Variants in ZNF354B observed in about 807,000 individuals in gnomAD.
The protein encoded by ZNF354B is zinc finger protein 354B.
In ZNF354B, 10 loss-of-function variants were observed where a neutral mutation model predicts 12.9. The ratio of observed to expected loss-of-function variants is 0.77; its 90% CI spans 0.48 to 1.31. The LOEUF (loss-of-function observed/expected upper bound fraction) is 1.31, where lower values mean the gene tolerates loss of function less well. ZNF354B is among the 40% of genes most tolerant of loss of function. The probability of loss-of-function intolerance (pLI) is 0.00; values close to 1 mark genes in which losing one functional copy is unlikely to be tolerated. For missense variants in ZNF354B, 614 were observed against 711.7 expected, an observed-to-expected ratio of 0.86 and a Z score of 1.56; for synonymous variants, 260 against 243.7, an observed-to-expected ratio of 1.07 and a Z score of -0.62.
At position 178,884,872 on chromosome 5, in the gene ZNF354B, T is replaced by C. The variant is rs1757778942; in HGVS notation, c.*581T>C. 6.6e-6 allele frequency: 1 copy of C among 152,216 alleles called. No homozygotes were observed. The highest frequency in any genetic ancestry group is 6.6e-5 in the Admixed American group (1 of 15,260). 9.4% of individuals were successfully genotyped at this position (152,216 alleles called of 1,614,324 possible). On this transcript the variant is annotated 3_prime_UTR_variant, in exon 5 of 5. Transcript: ENST00000322434. ...GGTAGTGGGGGACTACATTCGCACT[T>C]TCTCCTGAAATATATATATATATGC...
chr5:178,873,224 G>A (rs1305584016), intron 4 of ZNF354B, among the ~76,000 whole-genome samples: 3 of 152,190 alleles, frequency 2.0e-5, no homozygotes, highest in Non-Finnish European at 2.9e-5. Context: ...GTTCACAAAT[G>A]CTTTCTCTTA....
At chr5:178,871,294 A>G in intron 4 of ZNF354B, among the ~76,000 whole-genome samples, 1 of 152,130 alleles carries the variant, frequency 6.6e-6, no homozygotes, top group Middle Eastern at 3.2e-3. Flanking sequence ...CAGGGGGGCC[A>G]AGCAGGCCCC....
intron 2 of ZNF354B, among the ~76,000 whole-genome samples, chr5:178,865,978 C>T (rs80188838): frequency 0.15 from 22,526 of 152,008 alleles, 2,028 homozygotes; most frequent in African/African-American, 0.25. Context: ...AAATTGCCAA[C>T]GAAAGATTAT....
chr5:178,860,406 C>T (rs1375096878), intron 1 of ZNF354B, among the ~76,000 whole-genome samples: 6 of 147,984 alleles, frequency 4.1e-5, no homozygotes, highest in African/African-American at 1.2e-4. Context: ...GGACTCGGGG[C>T]GCCGGGACCC....
In ZNF354B at chr5:178,882,838, A is replaced by G. The variant is rs542633902; in HGVS notation, c.386A>G (p.Glu129Gly). Reference sequence around the variant, plus strand: ...TCAGAAAGATCCTGCATATATGAAGAGAAATTAAAGAAACAGCAGGACAAA... The same window carrying G: ...TCAGAAAGATCCTGCATATATGAAGGGAAATTAAAGAAACAGCAGGACAAA... The part of the protein sequence containing the change: ...FISERSCIYE[E>G]KLKKQQDKNE... The change falls in exon 5 of 5, where the codon GAG becomes GGG. Residue 129 changes from glutamate (E) to glycine (G), a missense_variant. Glu to Gly is a moderately conservative substitution (Grantham distance 98). Transcript: ENST00000322434. 1 of 1,606,524 alleles carries G rather than the reference A, an allele frequency of 6.2e-7. No individual in the cohort carries two copies. Among genetic ancestry groups the G allele is most frequent in the African/African-American group, 1.3e-5 (1 of 74,572 alleles).
chr5:178,884,351 T>C lies in ZNF354B; in HGVS notation c.*60T>C. The C allele has an allele frequency of 6.7e-7, 1 of 1,495,210 alleles. No homozygotes were observed. Among genetic ancestry groups the C allele is most frequent in the Non-Finnish European group, 8.9e-7 (1 of 1,117,708 alleles). The allele number at this position is 1,495,210 out of a possible 1,614,324, so 92.6% of individuals were successfully genotyped here. On this transcript the variant is annotated 3_prime_UTR_variant, in exon 5 of 5. Transcript: ENST00000322434. The stretch of plus-strand genomic sequence containing the variant: ...CTTGAGAGTGATTTATTAAATATAA[T>C]GAATATGAGAAAACTCTTAGTTCTC...
At chr5:178,882,538 C>G (rs1757731581) in intron 4 of ZNF354B, among the ~76,000 whole-genome samples, 171 bp from the exon 5 acceptor site, 1 of 152,172 alleles carries the variant, frequency 6.6e-6, no homozygotes, top group Admixed American at 6.5e-5. Context: ...TTCATTTGTT[C>G]ACTTATCAGT....
At chr5:178,874,937 T>C (rs1757614835) in intron 4 of ZNF354B, among the ~76,000 whole-genome samples, 1 of 152,244 alleles carries the variant, frequency 6.6e-6, no homozygotes, top group Non-Finnish European at 1.5e-5. Context: ...CAGTGTTTTA[T>C]GCAGGGTGTT....
chr5:178,879,448 C>T (rs1170678428), intron 4 of ZNF354B, among the ~76,000 whole-genome samples: 3 of 151,874 alleles, frequency 2.0e-5, no homozygotes, highest in East Asian at 3.9e-4. Flanking sequence ...GGCCCAATCT[C>T]GGCTCACTGC....
At position 178,866,228 on chromosome 5, in the gene ZNF354B, C is replaced by T. The variant is rs374443799; in HGVS notation, c.34-16C>T. 7.9e-5 allele frequency: 127 copies of T among 1,612,982 alleles called. No homozygotes were observed. The highest frequency in any genetic ancestry group is 5.5e-4 in the African/African-American group (41 of 74,912). ...GAGGGTGGTCCTGGGTGAGCTGGAA[C>T]GACTTGTCCTTACAGGTGTCACTGA... On this transcript the variant is annotated splice_polypyrimidine_tract_variant and intron_variant, in intron 2 of 4. Coordinates refer to ENST00000322434, the MANE Select transcript of ZNF354B (RefSeq NM_058230.3).
At chr5:178,869,247 A>C (rs1757518705) in intron 4 of ZNF354B, among the ~76,000 whole-genome samples, 1 of 152,188 alleles carries the variant, frequency 6.6e-6, no homozygotes, top group Non-Finnish European at 1.5e-5. Flanking sequence ...CCACGGGCCC[A>C]GCGAGGAGCT....
At chr5:178,871,102 C>T (rs1295211245) in intron 4 of ZNF354B, among the ~76,000 whole-genome samples, 1 of 152,190 alleles carries the variant, frequency 6.6e-6, no homozygotes, top group Non-Finnish European at 1.5e-5. Context: ...AGTAAATCAA[C>T]CATATTGCTT....
rs769224561 is a variant in ZNF354B at position 178,862,362 on chromosome 5, CTT to C, written c.33+1303_33+1304del. 1.7e-3 allele frequency among the ~76,000 whole-genome samples: 176 copies of C among 105,572 alleles called. 1 individual carries two copies. In the East Asian group the frequency reaches 0.027, roughly 16 times the overall value. The allele number at this position is 105,572 out of a possible 152,430, so 69.3% of individuals were successfully genotyped here. On this transcript the variant is annotated intron_variant, in intron 2 of 4. Coordinates refer to ENST00000322434, the MANE Select transcript of ZNF354B (RefSeq NM_058230.3). ...GAGTGCTTCTGCAGCGTGGCATTAT[CTT>C]TTTTTTTTTTTTTTTTTTTTGAGAG... is the stretch of plus-strand genomic sequence containing the variant.
At chr5:178,873,954 CT>C (rs34448849) in intron 4 of ZNF354B, among the ~76,000 whole-genome samples, 170 of 132,896 alleles carry the variant, frequency 1.3e-3, no homozygotes, top group South Asian at 0.01. Flanking sequence ...TTTTTTTTTT[CT>C]TTTTTTTTTT....
chr5:178,882,784 T>G lies in ZNF354B; in HGVS notation c.332T>G (p.Leu111Trp). 6.9e-6 allele frequency: 11 copies of G among 1,593,140 alleles called. No homozygotes were observed. The highest frequency in any genetic ancestry group is 9.4e-6 in the Non-Finnish European group (11 of 1,175,102). ...TTTCAGGAGCAGATAAGGAAAAGATTGAAAAGGGATGAACCCTGGAACTTC... is the reference window on the plus strand; with the variant it reads ...TTTCAGGAGCAGATAAGGAAAAGATGGAAAAGGGATGAACCCTGGAACTTC... ...DSFQEQIRKRLKRDEPWNFIS... is the reference protein window; with the variant it reads ...DSFQEQIRKRWKRDEPWNFIS... Residue 111 changes from leucine (L) to tryptophan (W), a missense_variant, in exon 5 of 5, where the codon TTG becomes TGG. Coordinates refer to ENST00000322434, the MANE Select transcript of ZNF354B (RefSeq NM_058230.3).
chr5:178,866,529 C>G (rs1458432418), intron 3 of ZNF354B, among the ~76,000 whole-genome samples, 159 bp downstream of exon 3: 1 of 152,134 alleles, frequency 6.6e-6, no homozygotes, highest in Non-Finnish European at 1.5e-5. Flanking sequence ...TTAACTTTCT[C>G]CTAATAAGTA....
intron 2 of ZNF354B, among the ~76,000 whole-genome samples, chr5:178,864,379 C>T (rs974175918): frequency 6.6e-6 from 1 of 152,106 alleles, no homozygotes; most frequent in Non-Finnish European, 1.5e-5. Context: ...CAGGCTGTAC[C>T]ATATAGCCCG....
chr5:178,881,638 C>CAGCG (rs1554104328), intron 4 of ZNF354B, among the ~76,000 whole-genome samples: 2 of 151,512 alleles, frequency 1.3e-5, no homozygotes, highest in Non-Finnish European at 2.9e-5. Flanking sequence ...CCAGCTACTT[C>CAGCG]AGTGAGTTTT....
intron 2 of ZNF354B, 80 bp from the exon 3 acceptor site, chr5:178,866,164 G>C: frequency 6.4e-7 from 1 of 1,568,532 alleles, no homozygotes; most frequent in South Asian, 1.2e-5. Flanking sequence ...GTGTTTCACG[G>C]GTAGCGTGTC....
Sources: gnomAD v4.1 joint callset for allele counts (sites outside exome capture counted in the v4.1 genomes callset) on GRCh38, gnomAD v4.1.1 for gene constraint, MANE v1.5 for transcripts, NCBI Gene and HGNC (gene_info 2026-07-23, HGNC 2026-07-21) for gene names.